Variants in PDE1C observed in about 807,000 individuals in gnomAD.
PDE1C encodes dual specificity calcium/calmodulin-dependent 3',5'-cyclic nucleotide phosphodiesterase 1C.
PDE1C carries 62 observed loss-of-function variants against 93.1 expected under a neutral mutation model. The ratio of observed to expected loss-of-function variants is 0.67; its 90% CI spans 0.54 to 0.82. The LOEUF (loss-of-function observed/expected upper bound fraction) is 0.82, where lower values mean the gene tolerates loss of function less well. Ranked by LOEUF, PDE1C falls within the 40% of genes least tolerant of loss-of-function variation. The probability of loss-of-function intolerance (pLI) is 0.00; values close to 1 mark genes in which losing one functional copy is unlikely to be tolerated. For missense variants in PDE1C, 742 were observed against 884.6 expected (o/e 0.84, Z 2.04); for synonymous variants, 325 against 310.1 (o/e 1.05, Z -0.50).
intron 2 of PDE1C, among the ~76,000 whole-genome samples, chr7:31,925,090 T>TGTGC (rs1803191837): frequency 7.7e-6 from 1 of 130,644 alleles, no homozygotes; most frequent in African/African-American, 2.9e-5. Flanking sequence ...TGTGTGTGTG[T>TGTGC]GCATGCGCAT....
chr7:32,269,489 T>G (rs1415164283), intron 1 of PDE1C, among the ~76,000 whole-genome samples: 1 of 152,170 alleles, frequency 6.6e-6, no homozygotes, highest in East Asian at 1.9e-4. Context: ...TTTTTTGGTT[T>G]TTTCTTTTTA....
At chr7:31,999,600 T>C (rs1043851925) in intron 2 of PDE1C, among the ~76,000 whole-genome samples, 2 of 152,146 alleles carry the variant, frequency 1.3e-5, no homozygotes, top group Non-Finnish European at 2.9e-5. Flanking sequence ...AATCTGTTGA[T>C]TGCATGGCAG....
At chr7:32,146,387 G>A (rs1483175236) in intron 3 of PDE1C, among the ~76,000 whole-genome samples, 1 of 152,136 alleles carries the variant, frequency 6.6e-6, no homozygotes, top group African/African-American at 2.4e-5. Flanking sequence ...CCTCGCAGAG[G>A]AGGACCCATT....
intron 2 of PDE1C, among the ~76,000 whole-genome samples, chr7:31,957,128 G>A (rs1808256129): frequency 6.6e-6 from 1 of 150,440 alleles, no homozygotes; most frequent in African/African-American, 2.5e-5. Flanking sequence ...TATTCAAACA[G>A]AAATTTAAAA....
rs1477730776 is a variant in PDE1C, at chr7:32,298,055, TCTCTCTCTCC to T, written c.85+586_85+595del. Among the ~76,000 whole-genome samples the T allele has an allele frequency of 8.6e-3, 654 of 75,762 alleles. 197 individuals carry two copies. Among genetic ancestry groups the T allele is most frequent in the Middle Eastern group, 0.029 (4 of 140 alleles). 49.7% of individuals were successfully genotyped at this position (75,762 alleles called of 152,430 possible). A position where few individuals can be genotyped will look rare whatever the true frequency, so the allele number is the denominator to read the frequency against. On this transcript the variant is annotated intron_variant, in intron 1 of 18. Transcript: ENST00000396193. ...CTCTCTCTCTCTCTCTCTCTCTCTC[TCTCTCTCTCC>T]CCTCTCTCTCTGAATTCCCCGGTCT...
downstream of PDE1C, among the ~76,000 whole-genome samples, chr7:31,747,001 T>C (rs1794021245): frequency 6.6e-6 from 1 of 152,118 alleles, no homozygotes; most frequent in South Asian, 2.1e-4. Flanking sequence ...AAATGCTTCA[T>C]GACATGGGTT....
intron 16 of PDE1C, among the ~76,000 whole-genome samples, chr7:31,801,226 C>T (rs1584154469): frequency 1.3e-5 from 2 of 150,988 alleles, no homozygotes; most frequent in Admixed American, 1.3e-4. Context: ...TTTAGCCATG[C>T]AGATCAGGGA....
At chr7:31,695,405 C>A in the PDE1C span, 1 of 1,461,130 alleles carries the variant, frequency 6.8e-7, no homozygotes, top group Non-Finnish European at 9.2e-7. Context: ...AGGAACCAAA[C>A]AGTTTGTGAC....
rs141189638 is a variant in PDE1C, at chr7:31,761,018, G to T, written c.1961-7465C>A. On this transcript the variant is annotated intron_variant, in intron 17 of 17. Coordinates refer to ENST00000396191, the MANE Select transcript of PDE1C (RefSeq NM_001191057.4). ...CCCCACTGAGGATGGGACAATATGA[G>T]ATTTGATCCTGTGATTTTCATTTCA... Among the ~76,000 whole-genome samples the T allele has an allele frequency of 8.9e-3, 596 of 66,716 alleles. 1 individual carries two copies. The highest frequency in any genetic ancestry group is 0.016 in the Non-Finnish European group (483 of 30,406). 43.8% of individuals were successfully genotyped at this position (66,716 alleles called of 152,430 possible).
At chr7:32,133,594 A>G (rs149437038) in intron 3 of PDE1C, among the ~76,000 whole-genome samples, 82 of 152,290 alleles carry the variant, frequency 5.4e-4, no homozygotes, top group African/African-American at 1.9e-3. Flanking sequence ...GCTCTGTCTT[A>G]AAGTACTAAA....
intron 1 of PDE1C, among the ~76,000 whole-genome samples, chr7:32,386,347 T>G (rs892440875): frequency 1.1e-5 from 1 of 89,198 alleles, no homozygotes; most frequent in Non-Finnish European, 2.2e-5. Flanking sequence ...CCTATTTAAT[T>G]AAAAAATGGA....
chr7:32,206,237 C>T (rs1252382660), intron 2 of PDE1C, among the ~76,000 whole-genome samples: 2 of 151,938 alleles, frequency 1.3e-5, no homozygotes, highest in Admixed American at 6.6e-5. Flanking sequence ...ATTGTGTATG[C>T]TGATAATGGG....
chr7:31,677,354 A>G, the PDE1C span, among the ~76,000 whole-genome samples: 1 of 152,226 alleles, frequency 6.6e-6, no homozygotes, highest in African/African-American at 2.4e-5. Flanking sequence ...TACACCACAA[A>G]GAAAACTATA....
chr7:31,976,853 C>T (rs1321051574), intron 2 of PDE1C, among the ~76,000 whole-genome samples: 1 of 152,170 alleles, frequency 6.6e-6, no homozygotes, highest in Non-Finnish European at 1.5e-5. Context: ...CTTGTCTGCC[C>T]CTTTATCCTC....
chr7:32,383,227 G>A (rs1784565854), intron 1 of PDE1C, among the ~76,000 whole-genome samples: 1 of 152,178 alleles, frequency 6.6e-6, no homozygotes, highest in Admixed American at 6.5e-5. Flanking sequence ...TACATGCACT[G>A]TACGAGTTCT....
At chr7:31,716,593 G>A in the PDE1C span, among the ~76,000 whole-genome samples, 179 of 152,306 alleles carry the variant, frequency 1.2e-3, no homozygotes, top group Non-Finnish European at 2.0e-3. Context: ...TTGACCACAT[G>A]TAACTGTTTC....
intron 2 of PDE1C, among the ~76,000 whole-genome samples, chr7:31,994,910 G>A (rs1784543031): frequency 6.6e-6 from 1 of 152,152 alleles, no homozygotes; most frequent in Admixed American, 6.6e-5. Flanking sequence ...AGTCCATACT[G>A]CAGCAAAATT....
the PDE1C span, among the ~76,000 whole-genome samples, chr7:31,736,199 G>T: frequency 6.6e-6 from 1 of 152,236 alleles, no homozygotes; most frequent in Non-Finnish European, 1.5e-5. Context: ...TCTCGTTCCA[G>T]GTCTTGTACC....
chr7:32,185,247 GAAAAAA>G (rs60570476), intron 2 of PDE1C, among the ~76,000 whole-genome samples: 69 of 101,568 alleles, frequency 6.8e-4, no homozygotes, highest in African/African-American at 1.7e-3. Flanking sequence ...CTCTGTCTCA[GAAAAAA>G]AAAAAAAAAA....
Sources: gnomAD v4.1 joint callset for allele counts (sites outside exome capture counted in the v4.1 genomes callset) on GRCh38, gnomAD v4.1.1 for gene constraint, MANE v1.5 for transcripts, NCBI Gene and HGNC (gene_info 2026-07-23, HGNC 2026-07-21) for gene names.